The following PSMA1 variants were observed in gnomAD, a reference collection of about 807,000 sequenced individuals.
PSMA1 encodes the protein proteasome 20S subunit alpha 1, also known as proteasome subunit alpha type-1.
A neutral mutation model predicts 38.4 loss-of-function variants in PSMA1; 3 were observed. The ratio of observed to expected loss-of-function variants is 0.08; its 90% CI spans 0.04 to 0.20. PSMA1 has a LOEUF of 0.20. PSMA1 is among the 10% of genes least tolerant of loss of function. The pLI is 1.00. For synonymous variants in PSMA1, 101 were observed against 107.1 expected, an observed-to-expected ratio of 0.94 and a Z score of 0.35; for missense variants, 227 against 325.3, an observed-to-expected ratio of 0.70 and a Z score of 2.32.
rs1382422446 is a variant in PSMA1 at position 14,576,706 on chromosome 11, G to C, written c.21+34260C>G. ...AGCCTTGTAGTATAGTTTGAAGTCAGATAGCATGATGCCTCCAGCTTTGTT... is the reference window on the plus strand; with the variant it reads ...AGCCTTGTAGTATAGTTTGAAGTCACATAGCATGATGCCTCCAGCTTTGTT... On this transcript the variant is annotated intron_variant, in intron 2 of 10. Transcript: ENST00000418988. Among the ~76,000 whole-genome samples the C allele has an allele frequency of 2.0e-5, 3 of 152,180 alleles. No individual in the cohort carries two copies. The East Asian group carries it at 5.8e-4, about 29-fold the overall frequency.
intron 2 of PSMA1, among the ~76,000 whole-genome samples, chr11:14,597,779 G>T (rs1852519447): frequency 6.6e-6 from 1 of 151,734 alleles, no homozygotes; most frequent in Non-Finnish European, 1.5e-5. Context: ...GTTATTTCTT[G>T]CCTTCTGCTA....
chr11:14,585,023 A>G (rs1476599398), intron 2 of PSMA1, among the ~76,000 whole-genome samples: 2 of 152,276 alleles, frequency 1.3e-5, no homozygotes, highest in African/African-American at 4.8e-5. Context: ...GAAGGGTTAT[A>G]GAAGATATTC....
intron 2 of PSMA1, 139 bp from the exon 3 acceptor site, chr11:14,518,120 A>C (rs1320066946): frequency 1.7e-6 from 1 of 596,278 alleles, no homozygotes; most frequent in African/African-American, 1.9e-5. Flanking sequence ...TTTTTTTTTG[A>C]GACAGGTTCT....
rs746265633 is a variant in PSMA1 at position 14,517,870 on chromosome 11, C to G, written c.150+10G>C. On this transcript the variant is annotated intron_variant, in intron 3 of 9. Coordinates refer to ENST00000396394, the MANE Select transcript of PSMA1 (RefSeq NM_002786.4). The stretch of plus-strand genomic sequence containing the variant: ...TCTACAGAGGAAGACATATTTATTA[C>G]TGTACTTACTTTCAATGCAACCAAA... The G allele has an allele frequency of 1.3e-5, 20 of 1,586,022 alleles. No homozygotes were observed. Among genetic ancestry groups the G allele is most frequent in the Non-Finnish European group, 1.6e-5 (19 of 1,164,398 alleles).
intron 1 of PSMA1, among the ~76,000 whole-genome samples, chr11:14,616,539 A>G (rs1330422992): frequency 2.0e-5 from 3 of 152,132 alleles, no homozygotes. Context: ...ATCAGATCCC[A>G]ATAAATATTA....
At chr11:14,589,460 A>T (rs557561812) in intron 2 of PSMA1, among the ~76,000 whole-genome samples, 57 of 150,626 alleles carry the variant, frequency 3.8e-4, no homozygotes, top group South Asian at 1.3e-3. Context: ...ATATATATAT[A>T]TATTTTTTTC....
At chr11:14,621,529 C>T (rs1852843807) in intron 1 of PSMA1, among the ~76,000 whole-genome samples, 1 of 152,102 alleles carries the variant, frequency 6.6e-6, no homozygotes, top group Non-Finnish European at 1.5e-5. Context: ...CCTTGGCCTC[C>T]TAAAGAGCTG....
At chr11:14,590,327 T>G (rs191986207) in intron 2 of PSMA1, among the ~76,000 whole-genome samples, 296 of 152,334 alleles carry the variant, frequency 1.9e-3, no homozygotes, top group African/African-American at 6.8e-3. Flanking sequence ...ACGGTTAAGA[T>G]AGCAAATTTT....
chr11:14,551,970 T>A (rs2597213), intron 2 of PSMA1, among the ~76,000 whole-genome samples: 2 of 152,232 alleles, frequency 1.3e-5, no homozygotes, highest in African/African-American at 4.8e-5. Context: ...TAATTTCTTA[T>A]AATAAGAATG....
rs1449226899 is a variant in PSMA1 at position 14,534,130 on chromosome 11, G to A, written c.22-15089C>T. 6.6e-6 allele frequency among the ~76,000 whole-genome samples: 1 copy of A among 152,032 alleles called. No individual in the cohort carries two copies. Among genetic ancestry groups the A allele is most frequent in the Non-Finnish European group, 1.5e-5 (1 of 68,012 alleles). On this transcript the variant is annotated intron_variant, in intron 2 of 10. Transcript: ENST00000418988. This position sits in a 1 kb window ranked among gnomAD's most constrained non-coding sequence, Gnocchi z 4.5. ...CAGGAGGTGGAGGTTGCAGTGAGCCGAAATTGTGCCACTGCACTCCAGACT... is the reference window on the plus strand; with the variant it reads ...CAGGAGGTGGAGGTTGCAGTGAGCCAAAATTGTGCCACTGCACTCCAGACT...
At chr11:14,640,928 A>C (rs1180065250) in intron 1 of PSMA1, among the ~76,000 whole-genome samples, 1 of 152,142 alleles carries the variant, frequency 6.6e-6, no homozygotes, top group Non-Finnish European at 1.5e-5. Context: ...GAAAAAAAGA[A>C]ATACCCAGGG....
At chr11:14,603,097 G>T (rs1049703825) in intron 2 of PSMA1, among the ~76,000 whole-genome samples, 1 of 152,188 alleles carries the variant, frequency 6.6e-6, no homozygotes, top group African/African-American at 2.4e-5. Flanking sequence ...ACAGCTAGAG[G>T]TAACCAACGC....
chr11:14,557,584 C>T lies in PSMA1; in HGVS notation c.22-38543G>A, dbSNP rs1196811322. Reference sequence around the variant, plus strand: ...CTCAATTTTAAAATTTCTGCTATCACATTTTTATTTCTAAAAGCTATTTCT... The same window carrying T: ...CTCAATTTTAAAATTTCTGCTATCATATTTTTATTTCTAAAAGCTATTTCT... On this transcript the variant is annotated intron_variant, in intron 2 of 10. Transcript: ENST00000418988. Among the ~76,000 whole-genome samples the T allele has an allele frequency of 2.0e-5, 3 of 152,284 alleles. No homozygotes were observed. In the East Asian group the frequency reaches 5.8e-4, roughly 29 times the overall value.
intron 2 of PSMA1, among the ~76,000 whole-genome samples, chr11:14,518,242 T>C (rs1222016135): frequency 2.6e-5 from 4 of 151,912 alleles, no homozygotes; most frequent in African/African-American, 4.8e-5. Context: ...GCTGGGACTA[T>C]AGGCAAGCAC....
intron 2 of PSMA1, among the ~76,000 whole-genome samples, chr11:14,601,686 A>G (rs1191146772): frequency 1.3e-5 from 2 of 152,174 alleles, no homozygotes; most frequent in Non-Finnish European, 2.9e-5. Flanking sequence ...AGATTTATAG[A>G]TGCCTTAAGA....
intron 2 of PSMA1, among the ~76,000 whole-genome samples, chr11:14,587,879 T>G (rs1371353084): frequency 6.6e-6 from 1 of 152,236 alleles, no homozygotes; most frequent in African/African-American, 2.4e-5. Context: ...ATAGCCATTT[T>G]CTTCTTTTTG....
rs190791825 is a variant in PSMA1 at position 14,585,342 on chromosome 11, C to A, written c.21+25624G>T. On this transcript the variant is annotated intron_variant, in intron 2 of 10. Coordinates refer to the PSMA1 transcript ENST00000418988. Reference sequence around the variant, plus strand: ...ATAAAACATAGAAATGCATCTCTCTCTATATATATGTTGAAAGTGGATGTT... The same window carrying A: ...ATAAAACATAGAAATGCATCTCTCTATATATATATGTTGAAAGTGGATGTT... Among the ~76,000 whole-genome samples, 1,101 of 152,162 alleles carry A rather than the reference C, an allele frequency of 7.2e-3. 13 individuals are homozygous for A. The highest frequency in any genetic ancestry group is 9.1e-3 in the Non-Finnish European group (617 of 68,010).
chr11:14,616,984 T>A (rs1852781638), intron 1 of PSMA1, among the ~76,000 whole-genome samples: 2 of 152,198 alleles, frequency 1.3e-5, no homozygotes, highest in African/African-American at 4.8e-5. Flanking sequence ...GAACCCCTAG[T>A]CACAGACAGT....
intron 1 of PSMA1, among the ~76,000 whole-genome samples, chr11:14,618,294 G>A (rs746433370): frequency 6.6e-6 from 1 of 152,126 alleles, no homozygotes; most frequent in Non-Finnish European, 1.5e-5. Flanking sequence ...CAGCTTCATT[G>A]ACATAATTTG....
Sources: allele counts gnomAD v4.1 joint callset (sites outside exome capture counted in the v4.1 genomes callset), GRCh38; gene constraint gnomAD v4.1.1; non-coding constraint Gnocchi (gnomAD v3.1); transcripts MANE v1.5; gene names NCBI Gene and HGNC (gene_info 2026-07-23, HGNC 2026-07-21).